Variants in PARD3 observed in about 807,000 individuals in gnomAD.
PARD3 encodes the protein par-3 family cell polarity regulator.
A neutral mutation model predicts 155.4 loss-of-function variants in PARD3; 75 were observed. That is an observed-to-expected ratio of 0.48 (90% CI 0.40 to 0.58). PARD3 has a LOEUF of 0.58. PARD3 is among the 20% of genes least tolerant of loss of function. The pLI, the probability that PARD3 is intolerant of heterozygous loss-of-function variation, is 0.00. For synonymous variants in PARD3, 576 were observed against 610.5 expected (o/e 0.94, Z 0.83); for missense variants, 1,642 against 1,721.7 (o/e 0.95, Z 0.82).
At chr10:34,190,912 G>A (rs955986059) in intron 22 of PARD3, among the ~76,000 whole-genome samples, 1 of 152,060 alleles carries the variant, frequency 6.6e-6, no homozygotes, top group Non-Finnish European at 1.5e-5. Flanking sequence ...CATCTCGCGG[G>A]TCCTGTAGTT....
intron 2 of PARD3, among the ~76,000 whole-genome samples, chr10:34,588,335 C>T (rs1359280): frequency 0.38 from 57,096 of 152,080 alleles, 10,821 homozygotes; most frequent in South Asian, 0.43. Flanking sequence ...GACAGCTCTT[C>T]TTGTTCTTTG....
At chr10:34,242,274 C>A (rs967894050) in intron 22 of PARD3, among the ~76,000 whole-genome samples, 1 of 152,056 alleles carries the variant, frequency 6.6e-6, no homozygotes, top group Non-Finnish European at 1.5e-5. Context: ...TATGATCATG[C>A]CTGTTTATAA....
intron 3 of PARD3, among the ~76,000 whole-genome samples, chr10:34,510,381 T>C (rs1342801410): frequency 1.3e-5 from 2 of 152,200 alleles, no homozygotes; most frequent in Non-Finnish European, 2.9e-5. Flanking sequence ...AAGCTCTGAA[T>C]AAATAGCCTT....
At chr10:34,443,544 G>A (rs914239155) in intron 5 of PARD3, among the ~76,000 whole-genome samples, 5 of 152,036 alleles carry the variant, frequency 3.3e-5, no homozygotes, top group South Asian at 2.1e-4. Flanking sequence ...CATGGATGGC[G>A]GCAGGCAAAG....
intron 3 of PARD3, among the ~76,000 whole-genome samples, chr10:34,482,864 A>T (rs2079175620): frequency 6.6e-6 from 1 of 152,040 alleles, no homozygotes; most frequent in Non-Finnish European, 1.5e-5. Context: ...TAAAAAAAAA[A>T]AATGCAAGGT....
At chr10:34,519,570 T>C (rs887004561) in intron 2 of PARD3, among the ~76,000 whole-genome samples, 3 of 152,050 alleles carry the variant, frequency 2.0e-5, no homozygotes, top group Admixed American at 2.0e-4. Context: ...TCCCAGCACT[T>C]TGGGAGGCCT....
At chr10:34,322,152 T>C (rs1281276575) in intron 19 of PARD3, among the ~76,000 whole-genome samples, 2 of 152,192 alleles carry the variant, frequency 1.3e-5, no homozygotes, top group African/African-American at 2.4e-5. Context: ...TCCAAGGTTA[T>C]CAGACCAAGA....
At chr10:34,511,342 T>C (rs1316105581) in intron 3 of PARD3, among the ~76,000 whole-genome samples, 25 of 152,220 alleles carry the variant, frequency 1.6e-4, no homozygotes, top group Admixed American at 1.6e-3. Context: ...TTATTATTTT[T>C]TAATGGTGAC....
At chr10:34,237,955 T>C (rs570149851) in intron 22 of PARD3, among the ~76,000 whole-genome samples, 26 of 152,154 alleles carry the variant, frequency 1.7e-4, no homozygotes, top group African/African-American at 4.6e-4. Context: ...AATAGGAATA[T>C]AACATTGCAT....
chr10:34,434,962 T>C (rs1307178293), intron 5 of PARD3, among the ~76,000 whole-genome samples: 2 of 152,146 alleles, frequency 1.3e-5, no homozygotes, highest in African/African-American at 2.4e-5. Context: ...TGATCAAGCA[T>C]AAAATTAATT....
intron 23 of PARD3, 53 bp from the exon 24 acceptor site, chr10:34,119,793 A>G: frequency 6.8e-7 from 1 of 1,478,114 alleles, no homozygotes; most frequent in Non-Finnish European, 9.1e-7. Context: ...TGTACAGATC[A>G]CACAACTGGT....
chr10:34,447,037 C>T (rs1447237313), intron 5 of PARD3, among the ~76,000 whole-genome samples: 3 of 152,124 alleles, frequency 2.0e-5, no homozygotes. Context: ...TCCATATAAA[C>T]TTTTTAAAGA....
At chr10:34,133,693 C>T (rs990791473) in intron 22 of PARD3, among the ~76,000 whole-genome samples, 42 of 152,068 alleles carry the variant, frequency 2.8e-4, no homozygotes, top group South Asian at 6.2e-4. Flanking sequence ...CAGTAGAGTA[C>T]GTAAAATTCT....
chr10:34,806,769 A>G (rs956750370), intron 1 of PARD3, among the ~76,000 whole-genome samples: 2 of 152,166 alleles, frequency 1.3e-5, no homozygotes, highest in Non-Finnish European at 2.9e-5. Context: ...GAGGTCCTGG[A>G]CCCTGTATAA....
chr10:34,583,430 ATT>A (rs1438941933), intron 2 of PARD3, among the ~76,000 whole-genome samples: 1 of 152,080 alleles, frequency 6.6e-6, no homozygotes, highest in African/African-American at 2.4e-5. Context: ...CTGGGTTTTA[ATT>A]TTTGTCTTTT....
chr10:34,516,905 C>T, intron 3 of PARD3, 74 bp downstream of exon 3: 1 of 1,361,706 alleles, frequency 7.3e-7, no homozygotes, highest in South Asian at 1.3e-5. Flanking sequence ...TTTACAGGGT[C>T]ATGGATGAAT....
chr10:34,577,240 G>C (rs2134213632), intron 2 of PARD3, among the ~76,000 whole-genome samples: 1 of 152,282 alleles, frequency 6.6e-6, no homozygotes, highest in East Asian at 1.9e-4. Context: ...TTCCCTCAGT[G>C]ACTGTCCATT....
intron 4 of PARD3, among the ~76,000 whole-genome samples, chr10:34,455,706 A>G (rs2132865807): frequency 6.6e-6 from 1 of 152,294 alleles, no homozygotes; most frequent in Non-Finnish European, 1.5e-5. Context: ...GGAATAATAA[A>G]CTAAATGCCT....
intron 4 of PARD3, among the ~76,000 whole-genome samples, chr10:34,455,444 G>A (rs904667682): frequency 6.6e-6 from 1 of 152,042 alleles, no homozygotes; most frequent in Non-Finnish European, 1.5e-5. Flanking sequence ...ACTATTTTCA[G>A]GATATCTAAT....
Sources: gnomAD v4.1 joint callset for allele counts (sites outside exome capture counted in the v4.1 genomes callset) on GRCh38, gnomAD v4.1.1 for gene constraint, MANE v1.5 for transcripts, NCBI Gene and HGNC (gene_info 2026-07-23, HGNC 2026-07-21) for gene names.